The following ROBO1 variants were observed in gnomAD, a reference collection of about 807,000 sequenced individuals.
ROBO1 encodes roundabout homolog 1.
Under a neutral mutation model 195.9 loss-of-function variants are expected in ROBO1, and 149 were observed. That is an observed-to-expected ratio of 0.76 (90% CI 0.67 to 0.87). ROBO1 has a LOEUF of 0.87. ROBO1 is among the 40% of genes least tolerant of loss of function. ROBO1 has a pLI of 0.00. For synonymous variants in ROBO1, 816 were observed against 733.2 expected, an observed-to-expected ratio of 1.11 and a Z score of -1.82; for missense variants, 1,933 against 2,068.3, an observed-to-expected ratio of 0.93 and a Z score of 1.27.
At chr3:78,624,460 C>T (rs1704637783) in intron 26 of ROBO1, among the ~76,000 whole-genome samples, 1 of 152,012 alleles carries the variant, frequency 6.6e-6, no homozygotes, top group African/African-American at 2.4e-5. Context: ...AAAATCATAC[C>T]TTTGAGAAAG....
chr3:79,564,019 G>T (rs1943010765), intron 2 of ROBO1, among the ~76,000 whole-genome samples: 1 of 146,574 alleles, frequency 6.8e-6, no homozygotes, highest in Non-Finnish European at 1.5e-5. Flanking sequence ...CCTTTTTTAT[G>T]TGTAAATGGT....
At chr3:78,693,815 T>C (rs1467737005) in intron 8 of ROBO1, among the ~76,000 whole-genome samples, 1 of 152,194 alleles carries the variant, frequency 6.6e-6, no homozygotes, top group Non-Finnish European at 1.5e-5. Context: ...TTGAAAGGTG[T>C]ATACTGCCAA....
chr3:79,260,568 C>T (rs2082921302), intron 2 of ROBO1, among the ~76,000 whole-genome samples: 1 of 152,108 alleles, frequency 6.6e-6, no homozygotes, highest in Non-Finnish European at 1.5e-5. Flanking sequence ...CTGAGTTTAG[C>T]TTAGACCTTA....
intron 3 of ROBO1, among the ~76,000 whole-genome samples, chr3:79,024,158 A>T (rs1285809990): frequency 6.6e-6 from 1 of 152,196 alleles, no homozygotes; most frequent in Non-Finnish European, 1.5e-5. Context: ...TTGCTGTGGA[A>T]TTACTGTGAC....
intron 4 of ROBO1, among the ~76,000 whole-genome samples, chr3:78,877,729 C>T (rs1414124327): frequency 2.0e-5 from 3 of 152,106 alleles, no homozygotes. Flanking sequence ...GTAAGCCTTC[C>T]TGCTTTTCAT....
chr3:79,387,634 G>A (rs889957635), intron 2 of ROBO1, among the ~76,000 whole-genome samples: 4 of 151,820 alleles, frequency 2.6e-5, no homozygotes, highest in Non-Finnish European at 4.4e-5. Flanking sequence ...ACCCTTCAGT[G>A]CAAGGATACA....
chr3:79,284,241 G>A (rs1472150626), intron 2 of ROBO1, among the ~76,000 whole-genome samples: 1 of 151,930 alleles, frequency 6.6e-6, no homozygotes. Context: ...GTGGGAGAGG[G>A]AGACCTTAAA....
At chr3:79,330,083 AG>A (rs2034370723) in intron 2 of ROBO1, among the ~76,000 whole-genome samples, 1 of 151,762 alleles carries the variant, frequency 6.6e-6, no homozygotes, top group Admixed American at 6.6e-5. Flanking sequence ...GTAATTTAAA[AG>A]GGTGATCTAA....
intron 4 of ROBO1, among the ~76,000 whole-genome samples, chr3:78,821,384 G>A (rs369198798): frequency 4.0e-5 from 6 of 151,460 alleles, no homozygotes; most frequent in Admixed American, 3.3e-4. Flanking sequence ...CAGGCTGGTC[G>A]CAAACTCCTG....
At chr3:79,670,865 C>A (rs1478193801) in intron 1 of ROBO1, among the ~76,000 whole-genome samples, 1 of 151,754 alleles carries the variant, frequency 6.6e-6, no homozygotes, top group Non-Finnish European at 1.5e-5. Flanking sequence ...CAATTTACTG[C>A]AATATTTTCA....
intron 3 of ROBO1, among the ~76,000 whole-genome samples, chr3:78,954,509 T>A (rs926132096): frequency 6.6e-6 from 1 of 152,026 alleles, no homozygotes; most frequent in Non-Finnish European, 1.5e-5. Flanking sequence ...TATAACATAA[T>A]ATAATATAGT....
intron 2 of ROBO1, among the ~76,000 whole-genome samples, chr3:79,232,944 GA>G (rs1466342217): frequency 2.6e-5 from 4 of 152,046 alleles, no homozygotes; most frequent in Non-Finnish European, 5.9e-5. Flanking sequence ...GTTTTGATAG[GA>G]TAACAGTTGA....
At chr3:79,719,687 C>A (rs1435822820) in intron 1 of ROBO1, among the ~76,000 whole-genome samples, 1 of 152,026 alleles carries the variant, frequency 6.6e-6, no homozygotes, top group African/African-American at 2.4e-5. Context: ...TGAACTCATG[C>A]AGAGAGTGTG....
intron 2 of ROBO1, among the ~76,000 whole-genome samples, chr3:79,185,909 TTA>T (rs1455448566): frequency 1.3e-5 from 2 of 152,128 alleles, no homozygotes; most frequent in African/African-American, 4.8e-5. Flanking sequence ...TGTGTAAATT[TTA>T]TGTCACCAGA....
intron 4 of ROBO1, among the ~76,000 whole-genome samples, chr3:78,872,879 A>C (rs1363074627): frequency 6.6e-6 from 1 of 152,200 alleles, no homozygotes; most frequent in Non-Finnish European, 1.5e-5. Context: ...TAAGTGAAGA[A>C]ATACTTATAA....
At chr3:79,111,329 T>C (rs2079882553) in intron 3 of ROBO1, among the ~76,000 whole-genome samples, 2 of 152,074 alleles carry the variant, frequency 1.3e-5, no homozygotes, top group Non-Finnish European at 2.9e-5. Flanking sequence ...AGAGGATCGA[T>C]TGGGGAATGC....
chr3:79,196,329 G>C (rs2081634849), intron 2 of ROBO1, among the ~76,000 whole-genome samples: 1 of 141,558 alleles, frequency 7.1e-6, no homozygotes. Context: ...GAGGTGAGAA[G>C]AAGACTATTC....
intron 1 of ROBO1, among the ~76,000 whole-genome samples, chr3:79,626,772 T>A (rs1286120288): frequency 2.6e-5 from 4 of 152,090 alleles, no homozygotes; most frequent in Non-Finnish European, 4.4e-5. Flanking sequence ...GCCCCAAACC[T>A]CCTCAAACTA....
intron 4 of ROBO1, among the ~76,000 whole-genome samples, chr3:78,775,901 AC>A (rs1196179439): frequency 6.6e-6 from 1 of 152,150 alleles, no homozygotes; most frequent in East Asian, 1.9e-4. Flanking sequence ...TCAGTAGCTG[AC>A]CTCAGCATTT....
Sources: gnomAD v4.1 joint callset for allele counts (sites outside exome capture counted in the v4.1 genomes callset) on GRCh38, gnomAD v4.1.1 for gene constraint, MANE v1.5 for transcripts, NCBI Gene and HGNC (gene_info 2026-07-23, HGNC 2026-07-21) for gene names.